The following LRP2 variants were observed in gnomAD, a reference collection of about 807,000 sequenced individuals.
LRP2 encodes the protein low-density lipoprotein receptor-related protein 2.
In LRP2, 172 loss-of-function variants were observed where a neutral mutation model predicts 531.0. The observed-to-expected ratio is 0.32, with a 90% CI of 0.29 to 0.37. The LOEUF (loss-of-function observed/expected upper bound fraction) is 0.37. Ranked by LOEUF, LRP2 falls within the 10% of genes least tolerant of loss-of-function variation. The pLI, the probability that LRP2 is intolerant of heterozygous loss-of-function variation, is 1.00. For synonymous variants in LRP2, 1,992 were observed against 2,027.6 expected (o/e 0.98, Z 0.47); for missense variants, 5,167 against 5,868.3 (o/e 0.88, Z 3.90).
At chr2:169,164,866 A>C (rs927542069) in intron 62 of LRP2, among the ~76,000 whole-genome samples, 8 of 152,120 alleles carry the variant, frequency 5.3e-5, no homozygotes, top group African/African-American at 1.9e-4. Flanking sequence ...TCCATTTTTT[A>C]AAAAATGGCA....
chr2:169,246,622 A>C (rs903807742), intron 21 of LRP2, 83 bp downstream of exon 21: 1 of 1,496,618 alleles, frequency 6.7e-7, no homozygotes, highest in East Asian at 2.3e-5. Flanking sequence ...CCATATAAAT[A>C]GCCCAAGCTT....
Position 169,150,941 on chromosome 2 carries a change from C to T in LRP2, c.12547G>A (p.Asp4183Asn). The change falls in exon 68 of 79, where the codon GAC (aspartate) becomes AAC (asparagine). Residue 4183 changes from aspartate to asparagine, a missense_variant. Physicochemically the swap from Asp to Asn is conservative, Grantham distance 23 (BLOSUM62 1). Transcript: ENST00000649046. ...GRYRKWLISTDLDQPAAIAVN... is the reference protein window; with the variant it reads ...GRYRKWLISTNLDQPAAIAVN... ...GCAATAGCAGCTGGTTGGTCCAGGT[C>T]AGTGGAAATCAGCCACTTTCTGTAC... is the stretch of plus-strand genomic sequence containing the variant. The T allele has an allele frequency of 1.9e-6, 3 of 1,614,104 alleles. No individual in the cohort carries two copies. The South Asian group carries it at 3.3e-5, about 18-fold the overall frequency.
intron 34 of LRP2, among the ~76,000 whole-genome samples, chr2:169,218,219 G>C (rs1017406243): frequency 2.6e-5 from 4 of 151,956 alleles, no homozygotes; most frequent in African/African-American, 9.7e-5. Flanking sequence ...TCTTCTAATT[G>C]TCTCCCAACC....
intron 17 of LRP2, 120 bp from the exon 18 acceptor site, chr2:169,257,369 C>T (rs990526576): frequency 2.0e-6 from 2 of 1,021,502 alleles, no homozygotes; most frequent in Admixed American, 1.9e-5. Flanking sequence ...TCTTTATATG[C>T]TATTGAACTT....
chr2:169,219,594 C>G (rs1330686436), intron 34 of LRP2, among the ~76,000 whole-genome samples: 2 of 152,038 alleles, frequency 1.3e-5, no homozygotes, highest in Non-Finnish European at 2.9e-5. Flanking sequence ...GAAGAGAAAA[C>G]CAAATACCAC....
chr2:169,189,731 G>A (rs949853886), intron 48 of LRP2, among the ~76,000 whole-genome samples: 1 of 152,106 alleles, frequency 6.6e-6, no homozygotes, highest in African/African-American at 2.4e-5. Context: ...AGCACACCTA[G>A]TAGAGGCTAC....
chr2:169,239,863 C>T, intron 25 of LRP2, 88 bp from the exon 26 acceptor site: 1 of 1,113,746 alleles, frequency 9.0e-7, no homozygotes, highest in Non-Finnish European at 1.3e-6. Flanking sequence ...ATTATGCAGT[C>T]TCATGCCACC....
At position 169,220,663 on chromosome 2, in the gene LRP2, G is replaced by A. The variant is rs997593200; in HGVS notation, c.5539-100C>T. On this transcript the variant is annotated intron_variant, in intron 33 of 78. Coordinates refer to ENST00000649046, the MANE Select transcript of LRP2 (RefSeq NM_004525.3). ...ATGTACAAAACAAATTCCAAAGCACGATTAGGGATGGATGAGAGAGGATTT... is the reference window on the plus strand; with the variant it reads ...ATGTACAAAACAAATTCCAAAGCACAATTAGGGATGGATGAGAGAGGATTT... 58 of 741,940 alleles carry A rather than the reference G, an allele frequency of 7.8e-5. No homozygotes were observed. The East Asian group carries it at 1.2e-3, about 16-fold the overall frequency. 46.0% of individuals were successfully genotyped at this position (741,940 alleles called of 1,614,324 possible).
At chr2:169,175,075 C>T in intron 55 of LRP2, 118 bp downstream of exon 55, 11 of 896,028 alleles carry the variant, frequency 1.2e-5, no homozygotes, top group Non-Finnish European at 2.0e-5. Context: ...GCCTGAGTTT[C>T]CTTCTAGGAC....
chr2:169,280,663 CAGAT>C, intron 10 of LRP2, 144 bp from the exon 11 acceptor site: 1 of 851,516 alleles, frequency 1.2e-6, no homozygotes, highest in East Asian at 2.7e-5. Context: ...CTGAGGCAGA[CAGAT>C]AGCTAGCATT....
At chr2:169,265,655 A>T (rs1273308611) in intron 16 of LRP2, among the ~76,000 whole-genome samples, 1 of 152,084 alleles carries the variant, frequency 6.6e-6, no homozygotes, top group Non-Finnish European at 1.5e-5. Flanking sequence ...TGCAACCTGT[A>T]CCCAGCCAAA....
chr2:169,228,324 A>AG (rs978579683), intron 31 of LRP2, among the ~76,000 whole-genome samples: 2 of 152,092 alleles, frequency 1.3e-5, no homozygotes, highest in African/African-American at 4.8e-5. Flanking sequence ...AAAAAAAAAA[A>AG]AAAATGCTAG....
At chr2:169,240,779 CAT>C in intron 25 of LRP2, 1 of 626,072 alleles carries the variant, frequency 1.6e-6, no homozygotes, top group East Asian at 2.7e-5. Flanking sequence ...AGTAAAAACA[CAT>C]AACCAAGTAC....
chr2:169,349,810 C>A lies in LRP2; in HGVS notation c.79+12511G>T, dbSNP rs532084200. On this transcript the variant is annotated intron_variant, in intron 1 of 78. Coordinates refer to ENST00000649046, the MANE Select transcript of LRP2 (RefSeq NM_004525.3). ...GAGTTCAACTTCTTCTTCTGCCCAT[C>A]CTGCTTCCTCCCTTTCCCTTCACAC... is the stretch of plus-strand genomic sequence containing the variant. Among the ~76,000 whole-genome samples, 3 of 152,294 alleles carry A rather than the reference C, an allele frequency of 2.0e-5. No homozygotes were observed. In the South Asian group the frequency reaches 6.2e-4, roughly 32 times the overall value.
At chr2:169,339,351 A>G (rs1685502656) in intron 1 of LRP2, among the ~76,000 whole-genome samples, 1 of 152,182 alleles carries the variant, frequency 6.6e-6, no homozygotes, top group African/African-American at 2.4e-5. Context: ...ACAACAACAT[A>G]TCCATATTCA....
At position 169,237,984 on chromosome 2, in the gene LRP2, T is replaced by G. The variant is rs144674232; in HGVS notation, c.4506+107A>C. 7.3e-5 allele frequency: 66 copies of G among 907,084 alleles called. No individual in the cohort carries two copies. The East Asian group carries it at 1.5e-3, about 21-fold the overall frequency. 56.2% of individuals were successfully genotyped at this position (907,084 alleles called of 1,614,324 possible). A position where few individuals can be genotyped will look rare whatever the true frequency, so the allele number is the denominator to read the frequency against. Reference sequence around the variant, plus strand: ...GTATGATGTGGCCCAGAAGGTACCATGAGAGCTACCCAGATGAGGTAGGGC... The same window carrying G: ...GTATGATGTGGCCCAGAAGGTACCAGGAGAGCTACCCAGATGAGGTAGGGC... On this transcript the variant is annotated intron_variant, in intron 27 of 78. Transcript: ENST00000649046.
intron 11 of LRP2, 119 bp downstream of exon 11, chr2:169,280,231 T>G (rs1035332604): frequency 9.3e-7 from 1 of 1,075,416 alleles, no homozygotes; most frequent in South Asian, 1.4e-5. Flanking sequence ...ACATAAAATA[T>G]CTCAAGGGCC....
At chr2:169,211,938 C>G (rs745622284) in intron 37 of LRP2, 30 bp downstream of exon 37, 1 of 1,613,458 alleles carries the variant, frequency 6.2e-7, no homozygotes, top group Non-Finnish European at 8.5e-7. Flanking sequence ...CAGATGAAGT[C>G]AAATCTTACT....
In LRP2 at chr2:169,157,433, C is replaced by CGGTG; in HGVS notation, c.11956_11957insCACC (p.Gly3986AlafsTer17). ...CCCAGCTGTACAGGAGCAGATAAAT[C>CGGTG]CTCCTTCATTTAATTGGGTACAATT... On this transcript the variant is annotated frameshift_variant, in exon 64 of 79. Coordinates refer to ENST00000649046, the MANE Select transcript of LRP2 (RefSeq NM_004525.3). LOFTEE classifies it high-confidence loss of function. 7.1e-7 allele frequency: 1 copy of CGGTG among 1,406,452 alleles called. No homozygotes were observed. The highest frequency in any genetic ancestry group is 1.0e-6 in the Non-Finnish European group (1 of 992,856). 87.1% of individuals were successfully genotyped at this position (1,406,452 alleles called of 1,614,324 possible). A position where few individuals can be genotyped will look rare whatever the true frequency, so the allele number is the denominator to read the frequency against.
Sources: allele counts gnomAD v4.1 joint callset (sites outside exome capture counted in the v4.1 genomes callset), GRCh38; gene constraint gnomAD v4.1.1; transcripts MANE v1.5; gene names NCBI Gene and HGNC (gene_info 2026-07-23, HGNC 2026-07-21).